MIGA1: variants seen among roughly 807,000 people sequenced by gnomAD.
MIGA1 encodes the protein family with sequence similarity 73, member A.
MIGA1 carries 58 observed loss-of-function variants against 82.0 expected under a neutral mutation model. The ratio of observed to expected loss-of-function variants is 0.71; its 90% CI spans 0.57 to 0.88. The LOEUF (loss-of-function observed/expected upper bound fraction) is 0.88. Among genes scored for constraint, MIGA1 ranks in the 40% least tolerant of loss-of-function variants. MIGA1 has a pLI of 0.00. For missense variants in MIGA1, 751 were observed against 749.1 expected (o/e 1.00, Z -0.03); for synonymous variants, 249 against 253.6 (o/e 0.98, Z 0.17).
In MIGA1 at chr1:77,866,365, C is replaced by T. The variant is rs1366625797; in HGVS notation, c.1537C>T (p.Leu513=). 3 of 1,613,980 alleles carry T rather than the reference C, an allele frequency of 1.9e-6. No homozygotes were observed. In the South Asian group the frequency reaches 3.3e-5, roughly 18 times the overall value. The change falls in exon 14 of 16, where the codon CTG becomes TTG. Residue 513 remains leucine (L), a synonymous_variant. Coordinates refer to ENST00000370791, the MANE Select transcript of MIGA1 (RefSeq NM_198549.4). ...TGTGGCTTCAAGTTGTTGGTCGGTG[C>T]TGAAACAGAAAAGACAACAGATGAA...
chr1:77,849,029 T>A (rs778788199), intron 8 of MIGA1, among the ~76,000 whole-genome samples: 35 of 152,362 alleles, frequency 2.3e-4, no homozygotes, highest in Non-Finnish European at 4.1e-4. Context: ...CCACATTCTT[T>A]GTTGTATTCC....
intron 2 of MIGA1, among the ~76,000 whole-genome samples, chr1:77,788,847 C>G (rs896053624): frequency 6.6e-6 from 1 of 152,086 alleles, no homozygotes; most frequent in African/African-American, 2.4e-5. Flanking sequence ...AATGTGAGTC[C>G]TCCAGCTTTG....
chr1:77,790,824 G>C (rs1395150862), intron 2 of MIGA1, among the ~76,000 whole-genome samples: 1 of 151,786 alleles, frequency 6.6e-6, no homozygotes, highest in African/African-American at 2.4e-5. Context: ...CTGACCTCAA[G>C]TTATCCACCC....
At position 77,834,457 on chromosome 1, in the gene MIGA1, T is replaced by G. The variant is rs1684355040; in HGVS notation, c.896-8850T>G. Among the ~76,000 whole-genome samples the G allele has an allele frequency of 2.0e-5, 3 of 152,224 alleles. No individual in the cohort carries two copies. In the South Asian group the frequency reaches 6.2e-4, roughly 31 times the overall value. On this transcript the variant is annotated intron_variant, in intron 7 of 15. Transcript: ENST00000370791. Reference sequence around the variant, plus strand: ...TCCCAAAGCACCAGAATTGCAGGCATGAGCCACTGCACCTGCCCCAAGTTC... The same window carrying G: ...TCCCAAAGCACCAGAATTGCAGGCAGGAGCCACTGCACCTGCCCCAAGTTC...
At chr1:77,800,883 T>C (rs1057340030) in intron 2 of MIGA1, among the ~76,000 whole-genome samples, 1 of 152,216 alleles carries the variant, frequency 6.6e-6, no homozygotes, top group Admixed American at 6.5e-5. Context: ...ATTTGTTAAA[T>C]AATTTGTGAA....
chr1:77,790,957 T>G (rs1468430568), intron 2 of MIGA1, among the ~76,000 whole-genome samples: 1 of 152,118 alleles, frequency 6.6e-6, no homozygotes. Flanking sequence ...ATTTCAAGAC[T>G]GCTATATAAG....
chr1:77,780,001 C>T (rs1285136698), intron 1 of MIGA1: 6 of 1,231,394 alleles, frequency 4.9e-6, no homozygotes, highest in Non-Finnish European at 6.1e-6. Flanking sequence ...GGAGGGTCCC[C>T]ACGCCAGAGG....
chr1:77,847,179 A>G lies in MIGA1; in HGVS notation c.996+3772A>G, dbSNP rs1461449846. The G allele has an allele frequency of 1.2e-5, 15 of 1,298,986 alleles. No homozygotes were observed. In the African/African-American group the frequency reaches 1.2e-4, roughly 10 times the overall value. The allele number at this position is 1,298,986 out of a possible 1,614,324, so 80.5% of individuals were successfully genotyped here. A position where few individuals can be genotyped will look rare whatever the true frequency, so the allele number is the denominator to read the frequency against. On this transcript the variant is annotated intron_variant, in intron 8 of 15. Transcript: ENST00000370791. ...CACAGCAGTTGCATCCTGTTTTGCA[A>G]AAACCGTCAGTGTTTGGGAATGATT... is the stretch of plus-strand genomic sequence containing the variant.
At chr1:77,818,192 C>T (rs192333127) in intron 7 of MIGA1, among the ~76,000 whole-genome samples, 41 of 150,762 alleles carry the variant, frequency 2.7e-4, no homozygotes, top group African/African-American at 9.5e-4. Context: ...GGCATGATCT[C>T]GGCTCACCGC....
intron 1 of MIGA1, 64 bp downstream of exon 1, chr1:77,779,800 C>A: frequency 6.7e-7 from 1 of 1,499,722 alleles, no homozygotes; most frequent in Non-Finnish European, 8.9e-7. Context: ...GTTGAGCGGC[C>A]ACGCAGTTGG....
intron 4 of MIGA1, 77 bp from the exon 5 acceptor site, chr1:77,806,898 T>C: frequency 9.3e-7 from 1 of 1,078,214 alleles, no homozygotes; most frequent in Non-Finnish European, 1.3e-6. Flanking sequence ...TTTATAAAAA[T>C]AATTTGTAAA....
At chr1:77,791,072 G>C (rs1172561329) in intron 2 of MIGA1, among the ~76,000 whole-genome samples, 2 of 151,906 alleles carry the variant, frequency 1.3e-5, no homozygotes, top group Non-Finnish European at 2.9e-5. Flanking sequence ...GTGAGACCTT[G>C]TCACTACAAA....
intron 4 of MIGA1, among the ~76,000 whole-genome samples, chr1:77,804,547 TA>T (rs546614030): frequency 6.6e-6 from 1 of 150,514 alleles, no homozygotes; most frequent in Non-Finnish European, 1.5e-5. Context: ...ACTTTGTCTC[TA>T]AAAAAAATAA....
intron 7 of MIGA1, among the ~76,000 whole-genome samples, chr1:77,840,069 A>G (rs1223983918): frequency 6.6e-6 from 1 of 152,142 alleles, no homozygotes; most frequent in Non-Finnish European, 1.5e-5. Flanking sequence ...AGTATTTTAA[A>G]ATTTAATTGG....
chr1:77,823,044 C>T (rs1570962169), intron 7 of MIGA1, among the ~76,000 whole-genome samples: 2 of 151,612 alleles, frequency 1.3e-5, no homozygotes, highest in Admixed American at 6.6e-5. Context: ...GGTTTCACCA[C>T]GTTGACCAGG....
chr1:77,824,109 A>G (rs919801947), intron 7 of MIGA1, among the ~76,000 whole-genome samples: 3 of 152,250 alleles, frequency 2.0e-5, no homozygotes, highest in African/African-American at 7.2e-5. Context: ...TTTAGCAGCA[A>G]ACATGCTGGA....
Position 77,873,103 on chromosome 1 carries a change from T to A in MIGA1, c.1663T>A (p.Leu555Ile), listed in dbSNP as rs758931364. ...GGGTCCTAGAAATTCTCTGTATGATTTATGTTGCTTTTTTAAGGTATGTTC... is the reference window on the plus strand; with the variant it reads ...GGGTCCTAGAAATTCTCTGTATGATATATGTTGCTTTTTTAAGGTATGTTC... Residue 555 changes from leucine (L) to isoleucine (I), a missense_variant, in exon 15 of 16, where the codon TTA becomes ATA. Transcript: ENST00000370791. 7 of 1,613,232 alleles carry A rather than the reference T, an allele frequency of 4.3e-6. No homozygotes were observed. In the South Asian group the frequency reaches 7.7e-5, roughly 18 times the overall value.
intron 14 of MIGA1, among the ~76,000 whole-genome samples, chr1:77,869,703 C>A (rs1373738612): frequency 8.2e-6 from 1 of 121,410 alleles, no homozygotes; most frequent in East Asian, 2.8e-4. Flanking sequence ...GGGGGCTGAC[C>A]CCCCCACCTC....
intron 8 of MIGA1, chr1:77,847,757 T>A (rs1684899621): frequency 7.5e-6 from 12 of 1,590,016 alleles, no homozygotes; most frequent in Non-Finnish European, 9.5e-6. Context: ...CCAGATCTGG[T>A]ATAAAGGAAG....
Sources: allele counts gnomAD v4.1 joint callset (sites outside exome capture counted in the v4.1 genomes callset), GRCh38; gene constraint gnomAD v4.1.1; transcripts MANE v1.5; gene names NCBI Gene and HGNC (gene_info 2026-07-23, HGNC 2026-07-21).